The following DDX60L variants were observed in gnomAD, a reference collection of about 807,000 sequenced individuals.
DDX60L encodes DExD/H-box 60 like.
DDX60L carries 191 observed loss-of-function variants against 211.6 expected under a neutral mutation model. The observed-to-expected ratio is 0.90, with a 90% CI of 0.80 to 1.02. The LOEUF is 1.02. DDX60L is among the 50% of genes least tolerant of loss of function. The pLI is 0.00. For missense variants in DDX60L, 2,007 were observed against 1,984.1 expected, an observed-to-expected ratio of 1.01 and a Z score of -0.22; for synonymous variants, 706 against 694.1, an observed-to-expected ratio of 1.02 and a Z score of -0.27.
In DDX60L at chr4:168,391,469, T is replaced by C. The variant is rs1744804536; in HGVS notation, c.3915+71A>G. The C allele has an allele frequency of 6.1e-6, 6 of 991,576 alleles. No homozygotes were observed. In the Admixed American group the frequency reaches 1.2e-4, roughly 20 times the overall value. 61.4% of individuals were successfully genotyped at this position (991,576 alleles called of 1,614,324 possible). On this transcript the variant is annotated intron_variant, in intron 29 of 37. Coordinates refer to ENST00000682922, the MANE Select transcript of DDX60L (RefSeq NM_001012967.3). Reference sequence around the variant, plus strand: ...ACACAAACCGTAGCCTGTTACCAGATGTGAGTGCCACATGGTTCATTATTT... The same window carrying C: ...ACACAAACCGTAGCCTGTTACCAGACGTGAGTGCCACATGGTTCATTATTT...
intron 14 of DDX60L, among the ~76,000 whole-genome samples, chr4:168,426,468 T>C (rs1448081538): frequency 2.0e-5 from 3 of 151,638 alleles, no homozygotes; most frequent in East Asian, 3.9e-4. Context: ...TATTTTATAA[T>C]GGGTCTCAGG....
At chr4:168,445,174 C>T (rs1163612342) in intron 9 of DDX60L, among the ~76,000 whole-genome samples, 1 of 136,022 alleles carries the variant, frequency 7.4e-6, no homozygotes, top group Non-Finnish European at 1.6e-5. Context: ...CAAATAGACG[C>T]AATAAAAAAT....
chr4:168,376,172 G>T (rs535089726), intron 33 of DDX60L, among the ~76,000 whole-genome samples: 2 of 152,252 alleles, frequency 1.3e-5, no homozygotes, highest in Non-Finnish European at 2.9e-5. Flanking sequence ...TATGACATTA[G>T]AAATGTTCTT....
At position 168,379,467 on chromosome 4, in the gene DDX60L, G is replaced by C; in HGVS notation, c.4259C>G (p.Ala1420Gly). 1 of 1,585,298 alleles carries C rather than the reference G, an allele frequency of 6.3e-7. No individual in the cohort carries two copies. The highest frequency in any genetic ancestry group is 1.4e-5 in the African/African-American group (1 of 73,186). ...LNKKGNPKKF[A>G]GLASYLHGHE... ...ACCATGCAAATATGATGCAAGTCCT[G>C]CAAATTTCTTTGGATTACCCTTTTT... is the stretch of plus-strand genomic sequence containing the variant. Residue 1420 changes from alanine (A) to glycine (G), a missense_variant, in exon 32 of 38, where the codon GCA becomes GGA. Coordinates refer to ENST00000682922, the MANE Select transcript of DDX60L (RefSeq NM_001012967.3).
At position 168,460,744 on chromosome 4, in the gene DDX60L, A is replaced by G. The variant is rs73863616; in HGVS notation, c.606+955T>C. On this transcript the variant is annotated intron_variant, in intron 5 of 37. Transcript: ENST00000682922. ...TACCCTGGGTTAAGGCAGGCCGCAC[A>G]GGGTAAGGACTCAGTCCAACAAGAT... 6.7e-3 allele frequency among the ~76,000 whole-genome samples: 1,014 copies of G among 152,326 alleles called. 14 individuals are homozygous for G. The highest frequency in any genetic ancestry group is 0.02 in the African/African-American group (843 of 41,562).
intron 33 of DDX60L, chr4:168,377,651 CTA>C (rs1337501016): frequency 6.6e-6 from 1 of 152,080 alleles, no homozygotes; most frequent in African/African-American, 2.4e-5. Flanking sequence ...ATGTCAGTAA[CTA>C]AAATTGGGTG....
At chr4:168,464,429 G>A (rs1022120811) in intron 4 of DDX60L, among the ~76,000 whole-genome samples, 20 of 138,104 alleles carry the variant, frequency 1.4e-4, no homozygotes, top group Admixed American at 4.0e-4. Context: ...ATCCTTAAGT[G>A]ACTTTATAAT....
chr4:168,479,249 G>A (rs1760057120), intron 1 of DDX60L, among the ~76,000 whole-genome samples: 1 of 152,130 alleles, frequency 6.6e-6, no homozygotes, highest in South Asian at 2.1e-4. Context: ...CAATATCTTT[G>A]GGATAGAAGG....
chr4:168,456,176 A>C, intron 6 of DDX60L, 24 bp from the exon 7 acceptor site: 1 of 1,387,164 alleles, frequency 7.2e-7, no homozygotes, highest in Non-Finnish European at 9.7e-7. Flanking sequence ...AATTTCTTCA[A>C]ATGTCAAATT....
chr4:168,454,449 T>C (rs1402366492), intron 7 of DDX60L, among the ~76,000 whole-genome samples: 1 of 152,154 alleles, frequency 6.6e-6, no homozygotes, highest in Non-Finnish European at 1.5e-5. Context: ...AACAGTACAC[T>C]TTCTCATAGG....
intron 12 of DDX60L, among the ~76,000 whole-genome samples, 189 bp from the exon 13 acceptor site, chr4:168,430,827 G>A (rs568327882): frequency 6.6e-6 from 1 of 152,268 alleles, no homozygotes; most frequent in East Asian, 1.9e-4. Context: ...CTCTGCTAAT[G>A]TCCGGGTCTA....
intron 26 of DDX60L, among the ~76,000 whole-genome samples, chr4:168,399,078 C>T (rs1172347190): frequency 6.6e-6 from 1 of 152,234 alleles, no homozygotes; most frequent in African/African-American, 2.4e-5. Flanking sequence ...CTCAATAAAG[C>T]TCTTCTTCAC....
chr4:168,445,197 A>C (rs1293320979), intron 9 of DDX60L, among the ~76,000 whole-genome samples: 1 of 133,060 alleles, frequency 7.5e-6, no homozygotes, highest in Non-Finnish European at 1.6e-5. Flanking sequence ...TAAAGGGGAT[A>C]TCACCACCGA....
chr4:168,476,503 T>C (rs1579910928), intron 1 of DDX60L, among the ~76,000 whole-genome samples: 1 of 152,122 alleles, frequency 6.6e-6, no homozygotes, highest in African/African-American at 2.4e-5. Flanking sequence ...TGCCTCTAAT[T>C]TTAAGAACTA....
At chr4:168,401,294 C>T (rs1746766374) in intron 25 of DDX60L, among the ~76,000 whole-genome samples, 1 of 152,262 alleles carries the variant, frequency 6.6e-6, no homozygotes, top group Non-Finnish European at 1.5e-5. Context: ...AACCTCTTAT[C>T]ATAACCCAGA....
chr4:168,390,874 A>C (rs1199663176), intron 29 of DDX60L, among the ~76,000 whole-genome samples: 4 of 152,026 alleles, frequency 2.6e-5, no homozygotes, highest in Non-Finnish European at 5.9e-5. Context: ...TAATACAGAC[A>C]TATTTTTATC....
chr4:168,472,608 C>T (rs1758946621), intron 2 of DDX60L, 84 bp from the exon 3 acceptor site: 2 of 1,576,590 alleles, frequency 1.3e-6, no homozygotes, highest in Middle Eastern at 1.7e-4. Context: ...GAAATATAGA[C>T]ATCCAATTAC....
intron 26 of DDX60L, among the ~76,000 whole-genome samples, chr4:168,399,726 G>A (rs576958668): frequency 5.3e-4 from 80 of 152,132 alleles, no homozygotes; most frequent in Non-Finnish European, 9.6e-4. Flanking sequence ...AAGGAGAGAA[G>A]AAATATTTTG....
chr4:168,407,991 C>A (rs1370380071), intron 22 of DDX60L, among the ~76,000 whole-genome samples: 1 of 152,194 alleles, frequency 6.6e-6, no homozygotes, highest in Non-Finnish European at 1.5e-5. Context: ...ATGAAGCTAG[C>A]TAGTTGGCAG....
Sources: allele counts gnomAD v4.1 joint callset (sites outside exome capture counted in the v4.1 genomes callset), GRCh38; gene constraint gnomAD v4.1.1; transcripts MANE v1.5; gene names NCBI Gene and HGNC (gene_info 2026-07-23, HGNC 2026-07-21).